The following GRIK1 variants were observed in gnomAD, a reference collection of about 807,000 sequenced individuals.
GRIK1 encodes glutamate ionotropic receptor kainate type subunit 1.
In GRIK1, 69 loss-of-function variants were observed where a neutral mutation model predicts 105.7. The ratio of observed to expected loss-of-function variants is 0.65; its 90% confidence interval spans 0.54 to 0.80. GRIK1 has a LOEUF of 0.80. GRIK1 is among the 30% of genes least tolerant of loss of function. The probability of loss-of-function intolerance (pLI) is 0.00; values close to 1 mark genes in which losing one functional copy is unlikely to be tolerated. For missense variants in GRIK1, 1,109 were observed against 1,167.3 expected (o/e 0.95, Z 0.73); for synonymous variants, 438 against 431.3 (o/e 1.02, Z -0.19).
chr21:29,886,725 T>C (rs2069643289), intron 1 of GRIK1, among the ~76,000 whole-genome samples: 1 of 152,156 alleles, frequency 6.6e-6, no homozygotes, highest in South Asian at 2.1e-4. Flanking sequence ...ATATCCTTTC[T>C]TATCACCAGG....
In GRIK1 at chr21:29,672,352, C is replaced by T. The variant is rs367739337; in HGVS notation, c.726+631G>A. ...ACTTTCTTAAACTTAAGACCAAGTG[C>T]TCAGAAATTATTATTCTGTTGTTAT... is the stretch of plus-strand genomic sequence containing the variant. On this transcript the variant is annotated intron_variant, in intron 4 of 17. Transcript: ENST00000327783. Among the ~76,000 whole-genome samples, 4 of 152,216 alleles carry T rather than the reference C, an allele frequency of 2.6e-5. 1 individual carries two copies. Among genetic ancestry groups the T allele is most frequent in the South Asian group, 4.1e-4 (2 of 4,824 alleles).
intron 7 of GRIK1, 25 bp downstream of exon 7, chr21:29,642,801 T>A (rs1969813482): frequency 6.2e-7 from 1 of 1,612,048 alleles, no homozygotes; most frequent in Non-Finnish European, 8.5e-7. Context: ...GAAGGGCCCC[T>A]GGGCTGTGAG....
intron 1 of GRIK1, among the ~76,000 whole-genome samples, chr21:29,774,719 G>T (rs2065899529): frequency 6.6e-6 from 1 of 151,782 alleles, no homozygotes; most frequent in African/African-American, 2.4e-5. Flanking sequence ...CAAAGTGTTG[G>T]GATTACAGGC....
At chr21:29,865,196 G>A (rs2146106894) in intron 1 of GRIK1, among the ~76,000 whole-genome samples, 1 of 152,224 alleles carries the variant, frequency 6.6e-6, no homozygotes, top group Non-Finnish European at 1.5e-5. Flanking sequence ...TAGACATAAT[G>A]TTATAGTAGC....
rs1478768965 is a variant in GRIK1, at chr21:29,820,042, C to A, written c.118+119341G>T. Among the ~76,000 whole-genome samples the A allele has an allele frequency of 4.6e-5, 7 of 151,372 alleles. No homozygotes were observed. The East Asian group carries it at 1.4e-3, about 29-fold the overall frequency. ...CAAAGAAAGCTGTCTTTTCCTGGAG[C>A]TTTTGAAAAAAAAAAATTAACAGCA... On this transcript the variant is annotated intron_variant, in intron 1 of 17. Coordinates refer to ENST00000327783, the MANE Select transcript of GRIK1 (RefSeq NM_001330994.2).
chr21:29,878,093 G>C (rs530826219), intron 1 of GRIK1, among the ~76,000 whole-genome samples: 49 of 151,752 alleles, frequency 3.2e-4, no homozygotes, highest in African/African-American at 1.1e-3. Flanking sequence ...CTGAAGTAAG[G>C]GTATTTCTCC....
At chr21:29,816,199 T>C (rs2067150251) in intron 1 of GRIK1, among the ~76,000 whole-genome samples, 1 of 151,948 alleles carries the variant, frequency 6.6e-6, no homozygotes, top group Admixed American at 6.6e-5. Context: ...AAAAATATAA[T>C]CAACATAATT....
chr21:29,603,115 G>A (rs1055505590), intron 7 of GRIK1, among the ~76,000 whole-genome samples: 10 of 152,080 alleles, frequency 6.6e-5, no homozygotes, highest in African/African-American at 2.2e-4. Flanking sequence ...TAAAGAGTAT[G>A]TTAAGAAATC....
rs1167564962 is a variant in GRIK1, at chr21:29,560,400, CCTTTCTTTCTTT to C, written c.2356+1212_2356+1223del. Among the ~76,000 whole-genome samples, 123 of 67,120 alleles carry C rather than the reference CCTTTCTTTCTTT, an allele frequency of 1.8e-3. 14 individuals carry two copies. The highest frequency in any genetic ancestry group is 0.011 in the African/African-American group (119 of 10,778). The allele number at this position is 67,120 out of a possible 152,430, so 44.0% of individuals were successfully genotyped here. A position where few individuals can be genotyped will look rare whatever the true frequency, so the allele number is the denominator to read the frequency against. ...TCCTTCCTTCCTTCCTTCCTTCCTTCCTTTCTTTCTTTCTTTCTTTCTTTCTTTCTTTCTTTC... is the reference window on the plus strand; with the variant it reads ...TCCTTCCTTCCTTCCTTCCTTCCTTCCTTTCTTTCTTTCTTTCTTTCTTTC... On this transcript the variant is annotated intron_variant, in intron 15 of 17. Transcript: ENST00000327783.
chr21:29,623,273 C>G (rs2062048913), intron 7 of GRIK1, among the ~76,000 whole-genome samples: 1 of 152,112 alleles, frequency 6.6e-6, no homozygotes, highest in Admixed American at 6.5e-5. Context: ...TTCACTATCA[C>G]AAGAACAGCA....
intron 1 of GRIK1, among the ~76,000 whole-genome samples, chr21:29,778,774 A>G (rs2145767636): frequency 6.6e-6 from 1 of 152,288 alleles, no homozygotes; most frequent in East Asian, 1.9e-4. Flanking sequence ...AACAGATATG[A>G]CCTCACAGAT....
intron 13 of GRIK1, among the ~76,000 whole-genome samples, chr21:29,580,125 A>G (rs2090994070): frequency 6.9e-6 from 1 of 143,956 alleles, no homozygotes; most frequent in African/African-American, 2.7e-5. Context: ...ATATACACAT[A>G]TACACACATA....
At chr21:29,818,606 G>T (rs2067217314) in intron 1 of GRIK1, among the ~76,000 whole-genome samples, 1 of 152,008 alleles carries the variant, frequency 6.6e-6, no homozygotes, top group Admixed American at 6.6e-5. Flanking sequence ...ATTCCAAAAG[G>T]CAAACAGCTT....
chr21:29,899,392 G>T (rs1386784554), intron 1 of GRIK1, among the ~76,000 whole-genome samples: 4 of 152,174 alleles, frequency 2.6e-5, no homozygotes, highest in Non-Finnish European at 5.9e-5. Flanking sequence ...ATGCAGGTTT[G>T]TCTGACTGGC....
chr21:29,797,614 G>C (rs1481718993), intron 1 of GRIK1, among the ~76,000 whole-genome samples: 1 of 152,124 alleles, frequency 6.6e-6, no homozygotes, highest in African/African-American at 2.4e-5. Flanking sequence ...TGACATATAT[G>C]TAATTAGTTG....
At chr21:29,875,355 C>A (rs1238693981) in intron 1 of GRIK1, among the ~76,000 whole-genome samples, 2 of 152,118 alleles carry the variant, frequency 1.3e-5, no homozygotes, top group Non-Finnish European at 2.9e-5. Flanking sequence ...GAGTCTCATC[C>A]TAGGATATAA....
chr21:29,782,118 G>T (rs1343149673), intron 1 of GRIK1, among the ~76,000 whole-genome samples: 2 of 141,628 alleles, frequency 1.4e-5, no homozygotes, highest in Non-Finnish European at 1.5e-5. Flanking sequence ...ACGGAGTCTC[G>T]CTGTGTCGCC....
intron 1 of GRIK1, among the ~76,000 whole-genome samples, chr21:29,788,078 G>A (rs2066308070): frequency 6.6e-6 from 1 of 152,154 alleles, no homozygotes; most frequent in African/African-American, 2.4e-5. Context: ...AGTTATAGGT[G>A]ATAAAGATAA....
At chr21:29,874,128 G>C (rs2069113289) in intron 1 of GRIK1, among the ~76,000 whole-genome samples, 1 of 152,192 alleles carries the variant, frequency 6.6e-6, no homozygotes, top group African/African-American at 2.4e-5. Context: ...CACTCACTGA[G>C]GCCCAGTTCC....
Sources: gnomAD v4.1 joint callset for allele counts (sites outside exome capture counted in the v4.1 genomes callset) on GRCh38, gnomAD v4.1.1 for gene constraint, MANE v1.5 for transcripts, NCBI Gene and HGNC (gene_info 2026-07-23, HGNC 2026-07-21) for gene names.